Variants in ROBO2 observed in about 807,000 individuals in gnomAD.
ROBO2 encodes roundabout guidance receptor 2, also known as roundabout homolog 2.
In ROBO2, 53 loss-of-function variants were observed where a neutral mutation model predicts 160.8. That is an observed-to-expected ratio of 0.33 (90% CI 0.26 to 0.41). ROBO2 has a LOEUF of 0.41. Ranked by LOEUF, ROBO2 falls within the 10% of genes least tolerant of loss-of-function variation. ROBO2 has a pLI of 1.00. For synonymous variants in ROBO2, 664 were observed against 611.7 expected, an observed-to-expected ratio of 1.09 and a Z score of -1.26; for missense variants, 1,577 against 1,722.4, an observed-to-expected ratio of 0.92 and a Z score of 1.49.
chr3:76,107,482 T>C (rs984988247), intron 2 of ROBO2, among the ~76,000 whole-genome samples: 6 of 152,168 alleles, frequency 3.9e-5, no homozygotes, highest in African/African-American at 1.4e-4. Flanking sequence ...AATCATGTGA[T>C]GCCTTTGGAC....
At chr3:76,011,582 C>T (rs952557370) in intron 2 of ROBO2, among the ~76,000 whole-genome samples, 2 of 151,928 alleles carry the variant, frequency 1.3e-5, no homozygotes, top group African/African-American at 4.8e-5. Context: ...TATTCAGTTA[C>T]AAGGAAGTGA....
chr3:76,139,094 T>C (rs2071538288), intron 2 of ROBO2, among the ~76,000 whole-genome samples: 2 of 152,144 alleles, frequency 1.3e-5, no homozygotes, highest in Non-Finnish European at 2.9e-5. Flanking sequence ...ACACTAAATG[T>C]ATTAGAGCGT....
intron 2 of ROBO2, among the ~76,000 whole-genome samples, chr3:76,494,197 T>C (rs568257419): frequency 7.2e-5 from 11 of 152,294 alleles, no homozygotes; most frequent in African/African-American, 2.6e-4. Context: ...TGAAATATTA[T>C]TCACACATAA....
intron 2 of ROBO2, among the ~76,000 whole-genome samples, chr3:76,594,185 G>C (rs1302240135): frequency 6.6e-6 from 1 of 151,898 alleles, no homozygotes; most frequent in Non-Finnish European, 1.5e-5. Context: ...AATATAATAA[G>C]AGGCTATTTT....
intron 2 of ROBO2, among the ~76,000 whole-genome samples, chr3:76,971,797 C>G (rs73841681): frequency 0.04 from 6,015 of 152,206 alleles, 379 homozygotes; most frequent in African/African-American, 0.14. Context: ...AGTTAAGAAC[C>G]TATTCACTTG....
intron 2 of ROBO2, among the ~76,000 whole-genome samples, chr3:76,320,678 C>T (rs2072442375): frequency 1.3e-5 from 2 of 152,178 alleles, no homozygotes; most frequent in Admixed American, 6.5e-5. Flanking sequence ...CTAAGAATTG[C>T]TCCTGGCTAA....
chr3:77,370,274 G>T (rs1581412232), intron 2 of ROBO2, among the ~76,000 whole-genome samples: 1 of 152,270 alleles, frequency 6.6e-6, no homozygotes, highest in East Asian at 1.9e-4. Context: ...AAAGGTAATA[G>T]TCATACTACA....
chr3:76,203,720 G>A (rs773303862), intron 2 of ROBO2, among the ~76,000 whole-genome samples: 162 of 151,692 alleles, frequency 1.1e-3, no homozygotes, highest in Non-Finnish European at 1.5e-3. Context: ...TCAGGCTATC[G>A]GCTTCCCCCA....
In ROBO2 at chr3:77,584,373, A is replaced by G. The variant is rs190294574; in HGVS notation, c.2500+4255A>G. Among the ~76,000 whole-genome samples the G allele has an allele frequency of 3.9e-4, 60 of 152,168 alleles. 1 individual carries two copies. The East Asian group carries it at 0.01, about 25-fold the overall frequency. On this transcript the variant is annotated intron_variant, in intron 16 of 25. Transcript: ENST00000461745. ...ATCCCCTTCAGTTTTCCCTGCTTTT[A>G]TTTGCTTGCCAGTGCCTTTAAAGAA... is the stretch of plus-strand genomic sequence containing the variant.
At chr3:76,741,203 C>T (rs2093796690) in intron 2 of ROBO2, among the ~76,000 whole-genome samples, 1 of 152,000 alleles carries the variant, frequency 6.6e-6, no homozygotes, top group Admixed American at 6.6e-5. Context: ...TGTTTATCTA[C>T]TGTTTCCTGC....
intron 2 of ROBO2, among the ~76,000 whole-genome samples, chr3:76,691,670 G>T (rs1268255246): frequency 6.6e-6 from 1 of 152,138 alleles, no homozygotes; most frequent in African/African-American, 2.4e-5. Context: ...GGAGAGGATG[G>T]TTTAAAGTGA....
intron 2 of ROBO2, among the ~76,000 whole-genome samples, chr3:76,833,008 T>C (rs978565130): frequency 1.3e-5 from 2 of 152,100 alleles, no homozygotes; most frequent in African/African-American, 4.8e-5. Context: ...AGTTCAATTT[T>C]AGGGAGAAAA....
chr3:77,544,884 G>T (rs1243606140), intron 6 of ROBO2, among the ~76,000 whole-genome samples: 3 of 152,100 alleles, frequency 2.0e-5, no homozygotes, highest in African/African-American at 7.2e-5. Context: ...ATGGATTTTG[G>T]TAGGGAGACG....
chr3:76,214,977 A>G lies in ROBO2; in HGVS notation c.109+277375A>G, dbSNP rs139612555. On this transcript the variant is annotated intron_variant, in intron 2 of 26. Coordinates refer to the ROBO2 transcript ENST00000487694. Reference sequence around the variant, plus strand: ...TCTGAGACAAAACTTCCAGAGGAACAATCAGGCAGCAGCATTTGAGGCTCA... The same window carrying G: ...TCTGAGACAAAACTTCCAGAGGAACGATCAGGCAGCAGCATTTGAGGCTCA... 2.2e-3 allele frequency among the ~76,000 whole-genome samples: 334 copies of G among 152,160 alleles called. 2 individuals carry two copies. The highest frequency in any genetic ancestry group is 7.6e-3 in the African/African-American group (317 of 41,508).
intron 2 of ROBO2, among the ~76,000 whole-genome samples, chr3:76,949,437 C>T (rs906778333): frequency 1.3e-5 from 2 of 152,164 alleles, no homozygotes; most frequent in African/African-American, 2.4e-5. Context: ...CTCTAAACTC[C>T]ATAGAGGATG....
At chr3:76,597,405 C>T (rs1192250233) in intron 2 of ROBO2, among the ~76,000 whole-genome samples, 1 of 151,884 alleles carries the variant, frequency 6.6e-6, no homozygotes, top group Non-Finnish European at 1.5e-5. Flanking sequence ...TCTCTTAAAA[C>T]TCAATAGTAA....
chr3:77,119,464 A>G (rs532340565), intron 2 of ROBO2, among the ~76,000 whole-genome samples: 2 of 152,360 alleles, frequency 1.3e-5, no homozygotes, highest in East Asian at 3.9e-4. Flanking sequence ...TAAAGATTAC[A>G]TGGATCAAAC....
chr3:76,068,436 G>C (rs2068335628), intron 2 of ROBO2, among the ~76,000 whole-genome samples: 1 of 152,086 alleles, frequency 6.6e-6, no homozygotes, highest in South Asian at 2.1e-4. Context: ...GGGTGCTATG[G>C]AGAAGGTGCC....
chr3:77,585,999 G>T (rs1377448399), intron 16 of ROBO2, among the ~76,000 whole-genome samples: 1 of 152,072 alleles, frequency 6.6e-6, no homozygotes, highest in Non-Finnish European at 1.5e-5. Flanking sequence ...GCCAGACCAT[G>T]TATTGTTTCA....
Sources: gnomAD v4.1 joint callset for allele counts (sites outside exome capture counted in the v4.1 genomes callset) on GRCh38, gnomAD v4.1.1 for gene constraint, MANE v1.5 for transcripts, NCBI Gene and HGNC (gene_info 2026-07-23, HGNC 2026-07-21) for gene names.